PWWP2A: variants seen among roughly 807,000 people sequenced by gnomAD.
The protein encoded by PWWP2A is PWWP domain-containing protein 2A.
PWWP2A carries 18 observed loss-of-function variants against 48.5 expected under a neutral mutation model. The observed-to-expected ratio is 0.37, with a 90% CI of 0.26 to 0.55. The LOEUF is 0.55. PWWP2A is among the 20% of genes least tolerant of loss of function. The pLI, the probability that PWWP2A is intolerant of heterozygous loss-of-function variation, is 0.81. For synonymous variants in PWWP2A, 396 were observed against 387.7 expected (o/e 1.02, Z -0.25); for missense variants, 867 against 976.4 (o/e 0.89, Z 1.49).
At chr5:160,108,232 G>C (rs1231000993) in intron 1 of PWWP2A, among the ~76,000 whole-genome samples, 1 of 151,910 alleles carries the variant, frequency 6.6e-6, no homozygotes, top group Admixed American at 6.6e-5. Flanking sequence ...ATGAAACCAG[G>C]TTTAATGCCC....
intron 4 of PWWP2A, chr5:160,065,106 T>C (rs1753566225): frequency 6.3e-7 from 1 of 1,594,414 alleles, no homozygotes; most frequent in Non-Finnish European, 8.5e-7. Context: ...TGGAATTGTG[T>C]GCTGCTTGCT....
rs1026751046 is a variant in PWWP2A at position 160,118,520 on chromosome 5, CAGA to C, written c.584+282_584+284del. ...GTGACGGTGACTCCAGGCCAAGTCG[CAGA>C]AGAAGACCAGGCGTGAGGGGTGAGA... is the stretch of plus-strand genomic sequence containing the variant. On this transcript the variant is annotated intron_variant, in intron 1 of 1. Coordinates refer to ENST00000307063, the MANE Select transcript of PWWP2A (RefSeq NM_001130864.2). Among the ~76,000 whole-genome samples, 5 of 152,058 alleles carry C rather than the reference CAGA, an allele frequency of 3.3e-5. No homozygotes were observed. In the East Asian group the frequency reaches 5.8e-4, roughly 18 times the overall value.
chr5:160,068,226 AAAG>A (rs1238705816), intron 2 of PWWP2A, among the ~76,000 whole-genome samples: 4 of 152,190 alleles, frequency 2.6e-5, no homozygotes, highest in African/African-American at 9.6e-5. Flanking sequence ...CACCACCAAA[AAAG>A]CATACCAGAA....
the PWWP2A span, among the ~76,000 whole-genome samples, chr5:160,045,493 CACACACACACACACACACACA>C: frequency 4.9e-4 from 57 of 117,120 alleles, 2 homozygotes; most frequent in African/African-American, 1.6e-3. Flanking sequence ...CACACACACA[CACACACACACACACACACACA>C]TACACACTCT....
intron 1 of PWWP2A, among the ~76,000 whole-genome samples, chr5:160,118,166 C>T (rs1055418215): frequency 1.3e-5 from 2 of 152,170 alleles, no homozygotes; most frequent in South Asian, 2.1e-4. Context: ...AATCTCCAAT[C>T]TCTTCTTTAA....
the PWWP2A span, among the ~76,000 whole-genome samples, chr5:160,045,520 A>ACACACACACACACACTCTCTCT: frequency 1.8e-5 from 1 of 54,884 alleles, no homozygotes; most frequent in Non-Finnish European, 3.3e-5. Flanking sequence ...ACACATACAC[A>ACACACACACACACACTCTCTCT]CTCTCTCTCT....
chr5:160,080,787 C>A, intron 2 of PWWP2A: 2 of 1,498,484 alleles, frequency 1.3e-6, no homozygotes, highest in Non-Finnish European at 1.8e-6. Context: ...TAGAAAAAAC[C>A]AAGTTAACAA....
chr5:160,080,973 C>T (rs952398815), intron 2 of PWWP2A, among the ~76,000 whole-genome samples: 7 of 152,158 alleles, frequency 4.6e-5, no homozygotes, highest in Non-Finnish European at 1.0e-4. Context: ...GTAGACACAA[C>T]AGCCTTTGCC....
At position 160,091,863 on chromosome 5, in the gene PWWP2A, A is replaced by C; in HGVS notation, c.*519T>G. 1 of 984,994 alleles carries C rather than the reference A, an allele frequency of 1.0e-6. No homozygotes were observed. The highest frequency in any genetic ancestry group is 1.2e-6 in the Non-Finnish European group (1 of 829,732). The allele number at this position is 984,994 out of a possible 1,614,324, so 61.0% of individuals were successfully genotyped here. A position where few individuals can be genotyped will look rare whatever the true frequency, so the allele number is the denominator to read the frequency against. ...GCTAAGTGTTCATTATTTAAAAAAC[A>C]AGTAGTCATTAAATATCCACTATTC... On this transcript the variant is annotated 3_prime_UTR_variant, in exon 2 of 2. Transcript: ENST00000307063.
chr5:160,075,887 A>T (rs933013608), exon 4 of PWWP2A: 1 of 151,750 alleles, frequency 6.6e-6, no homozygotes, highest in Non-Finnish European at 1.5e-5. Context: ...CTAAATTTTT[A>T]AAAAATCAAA....
chr5:160,070,857 C>T (rs753251211), intron 2 of PWWP2A, among the ~76,000 whole-genome samples: 2 of 152,158 alleles, frequency 1.3e-5, no homozygotes, highest in East Asian at 1.9e-4. Flanking sequence ...GCAGTTCCTA[C>T]GACGTTTTAT....
intron 2 of PWWP2A, among the ~76,000 whole-genome samples, chr5:160,069,685 G>A (rs1050568971): frequency 1.7e-4 from 26 of 152,032 alleles, no homozygotes; most frequent in African/African-American, 6.3e-4. Flanking sequence ...GCAACATAGC[G>A]AAACCCCATC....
rs1758487001 is a variant in PWWP2A at position 160,119,348 on chromosome 5, G to T, written c.41C>A (p.Ser14Tyr). 2.2e-6 allele frequency: 3 copies of T among 1,390,386 alleles called. No individual in the cohort carries two copies. The highest frequency in any genetic ancestry group is 1.5e-5 in the African/African-American group (1 of 65,550). 86.1% of individuals were successfully genotyped at this position (1,390,386 alleles called of 1,614,324 possible). Residue 14 changes from serine to tyrosine, a missense_variant, in exon 1 of 2, where the codon TCC becomes TAC. Transcript: ENST00000307063. ...VAAEAAATAA[S>Y]PGEGGAGEAE... is the part of the protein sequence containing the mutation. ...CTCGCCGGCGCCCCCCTCCCCGGGG[G>T]ACGCTGCAGTCGCTGCCGCCTCTGC...
intron 1 of PWWP2A, among the ~76,000 whole-genome samples, chr5:160,106,820 CTTTTTTTTTTTTTT>C (rs764479391): frequency 1.7e-5 from 2 of 119,766 alleles, no homozygotes; most frequent in South Asian, 2.8e-4. Flanking sequence ...AACCATTAAC[CTTTTTTTTTTTTTT>C]TTTTTTTTGA....
chr5:160,089,189 C>G (rs1754871698), downstream of PWWP2A, among the ~76,000 whole-genome samples: 1 of 152,076 alleles, frequency 6.6e-6, no homozygotes, highest in African/African-American at 2.4e-5. Flanking sequence ...CTCTATCACA[C>G]TGATATATAG....
intron 1 of PWWP2A, among the ~76,000 whole-genome samples, chr5:160,108,251 A>C (rs562427923): frequency 6.6e-6 from 1 of 152,250 alleles, no homozygotes; most frequent in East Asian, 1.9e-4. Context: ...CCAACTAATA[A>C]TCACTTCTGA....
intron 1 of PWWP2A, among the ~76,000 whole-genome samples, chr5:160,105,239 C>CAAAAAAAA (rs70990704): frequency 1.2e-4 from 6 of 48,944 alleles, no homozygotes; most frequent in Admixed American, 3.4e-4. Flanking sequence ...GTCTCTAAGG[C>CAAAAAAAA]AAAAAAAAAA....
rs752360074 is a variant in PWWP2A, at chr5:160,118,816, A to C, written c.573T>G (p.Asp191Glu). 8.4e-6 allele frequency: 13 copies of C among 1,543,354 alleles called. No individual in the cohort carries two copies. The Admixed American group carries it at 2.5e-4, about 30-fold the overall frequency. The change falls in exon 1 of 2, where the codon GAT (aspartate) becomes GAG (glutamate). Residue 191 changes from aspartate to glutamate, a missense_variant. By Grantham distance (45) the Asp-to-Glu change is conservative (BLOSUM62 2). Coordinates refer to ENST00000307063, the MANE Select transcript of PWWP2A (RefSeq NM_001130864.2). ...GGCGGGCGCGGTACCTTTTGGACAG[A>C]TCCATGAGGACCCCGGAGAAGAGCT... ...GEKLFSGVLM[D>E]LSKRFGPHGI...
At chr5:160,045,962 C>G in the PWWP2A span, among the ~76,000 whole-genome samples, 3 of 152,064 alleles carry the variant, frequency 2.0e-5, no homozygotes, top group South Asian at 6.2e-4. Flanking sequence ...AGGCTGCTCT[C>G]GAACTCCTGA....
Sources: allele counts gnomAD v4.1 joint callset (sites outside exome capture counted in the v4.1 genomes callset), GRCh38; gene constraint gnomAD v4.1.1; transcripts MANE v1.5; gene names NCBI Gene and HGNC (gene_info 2026-07-23, HGNC 2026-07-21).